Variants in SMOC1 observed in about 807,000 individuals in gnomAD.
SMOC1 encodes the protein SPARC related modular calcium binding 1.
In SMOC1, 22 loss-of-function variants were observed where a neutral mutation model predicts 56.3. That is an observed-to-expected ratio of 0.39 (90% CI 0.28 to 0.56). SMOC1 has a LOEUF of 0.56. SMOC1 is among the 20% of genes least tolerant of loss of function. The pLI, the probability that SMOC1 is intolerant of heterozygous loss-of-function variation, is 0.61. For missense variants in SMOC1, 509 were observed against 565.4 expected, an observed-to-expected ratio of 0.90 and a Z score of 1.01; for synonymous variants, 193 against 215.0, an observed-to-expected ratio of 0.90 and a Z score of 0.89.
intron 7 of SMOC1, among the ~76,000 whole-genome samples, chr14:69,997,576 A>T (rs1251693489): frequency 6.6e-6 from 1 of 152,108 alleles, no homozygotes; most frequent in Admixed American, 6.5e-5. Context: ...CTTTGTGAGG[A>T]CTCAAGAGCA....
chr14:70,011,066 T>C, intron 8 of SMOC1, 120 bp downstream of exon 8: 5 of 1,151,592 alleles, frequency 4.3e-6, no homozygotes, highest in Non-Finnish European at 5.1e-6. Context: ...AGCCATGTTT[T>C]CAATGAGTAG....
At chr14:69,996,887 G>T (rs1327157788) in intron 7 of SMOC1, among the ~76,000 whole-genome samples, 1 of 152,176 alleles carries the variant, frequency 6.6e-6, no homozygotes, top group Non-Finnish European at 1.5e-5. Context: ...TGCCACAAAG[G>T]CCTGTAACAG....
At chr14:69,992,823 G>A (rs1431442213) in intron 6 of SMOC1, among the ~76,000 whole-genome samples, 2 of 152,146 alleles carry the variant, frequency 1.3e-5, no homozygotes, top group Non-Finnish European at 2.9e-5. Context: ...AAATTAATTG[G>A]CACTTGCAAG....
intron 1 of SMOC1, among the ~76,000 whole-genome samples, chr14:69,907,913 T>G (rs1884452897): frequency 6.6e-6 from 1 of 152,210 alleles, no homozygotes. Flanking sequence ...GCCTCCTTTA[T>G]AAAGGCTCTA....
chr14:69,988,771 A>G (rs67294558), intron 5 of SMOC1, among the ~76,000 whole-genome samples: 25,063 of 152,216 alleles, frequency 0.16, 2,677 homozygotes, highest in East Asian at 0.38. Flanking sequence ...TAGCCTTACT[A>G]GACATTTCAT....
At chr14:69,999,391 A>G (rs1594847561) in intron 7 of SMOC1, among the ~76,000 whole-genome samples, 1 of 152,166 alleles carries the variant, frequency 6.6e-6, no homozygotes, top group Admixed American at 6.5e-5. Flanking sequence ...TGAGGCCTGG[A>G]AAAATAAACA....
intron 1 of SMOC1, among the ~76,000 whole-genome samples, chr14:69,928,602 T>C (rs1265293333): frequency 8.1e-6 from 1 of 123,444 alleles, no homozygotes; most frequent in Non-Finnish European, 1.7e-5. Flanking sequence ...TGCACTACTT[T>C]AGAGGTGCTC....
intron 9 of SMOC1, among the ~76,000 whole-genome samples, chr14:70,012,301 G>T (rs990074739): frequency 6.6e-6 from 1 of 152,160 alleles, no homozygotes; most frequent in Non-Finnish European, 1.5e-5. Context: ...GGTGGCCAGG[G>T]TACCCCTTTT....
At chr14:69,984,365 C>T (rs1354200414) in intron 5 of SMOC1, among the ~76,000 whole-genome samples, 1 of 152,158 alleles carries the variant, frequency 6.6e-6, no homozygotes, top group African/African-American at 2.4e-5. Context: ...CCACCAAAAA[C>T]ATAATCTAGA....
intron 2 of SMOC1, among the ~76,000 whole-genome samples, 163 bp from the exon 3 acceptor site, chr14:69,953,257 G>C (rs1401099374): frequency 1.3e-5 from 2 of 152,202 alleles, no homozygotes; most frequent in African/African-American, 2.4e-5. Context: ...CGGGGAAGGG[G>C]GGCTGTGCAG....
intron 9 of SMOC1, 29 bp from the exon 10 acceptor site, chr14:70,013,357 C>A: frequency 6.3e-7 from 1 of 1,589,006 alleles, no homozygotes; most frequent in South Asian, 1.1e-5. Context: ...TATCTGGCAT[C>A]TACCTTCAAA....
chr14:69,971,295 G>A (rs1191546393), intron 3 of SMOC1, among the ~76,000 whole-genome samples: 1 of 152,200 alleles, frequency 6.6e-6, no homozygotes, highest in Admixed American at 6.5e-5. Context: ...TGGAATTACA[G>A]GCATGAGCCA....
At chr14:69,971,766 G>C (rs1883772578) in intron 3 of SMOC1, among the ~76,000 whole-genome samples, 1 of 152,186 alleles carries the variant, frequency 6.6e-6, no homozygotes, top group African/African-American at 2.4e-5. Context: ...TCGCTTTTCT[G>C]CAAGAAACGT....
At chr14:69,888,922 T>C (rs1308830790) in intron 1 of SMOC1, among the ~76,000 whole-genome samples, 2 of 152,188 alleles carry the variant, frequency 1.3e-5, no homozygotes, top group Non-Finnish European at 2.9e-5. Context: ...CTTCACTTCC[T>C]CCTTCCAAAG....
intron 11 of SMOC1, among the ~76,000 whole-genome samples, chr14:70,029,835 C>A (rs895506164): frequency 6.6e-5 from 10 of 152,208 alleles, no homozygotes; most frequent in Admixed American, 3.9e-4. Flanking sequence ...TGGGTCAGTG[C>A]CAATGGGATT....
chr14:70,019,365 A>C (rs1400560594), intron 10 of SMOC1, among the ~76,000 whole-genome samples: 3 of 152,206 alleles, frequency 2.0e-5, no homozygotes, highest in African/African-American at 7.2e-5. Flanking sequence ...TACCATATCC[A>C]AGGAAACTTG....
In SMOC1 at chr14:70,023,071, C is replaced by T. The variant is rs925433117; in HGVS notation, c.1047-132C>T. The T allele has an allele frequency of 1.6e-5, 22 of 1,379,244 alleles. 1 individual carries two copies. Among genetic ancestry groups the T allele is most frequent in the South Asian group, 3.5e-5 (3 of 84,522 alleles). The allele number at this position is 1,379,244 out of a possible 1,614,324, so 85.4% of individuals were successfully genotyped here. ...GGCTTAACGTTGCCACAGGCTGAGC[C>T]GCTGTGGGTGGACTTTGGCTTGGAG... On this transcript the variant is annotated intron_variant, in intron 10 of 11. Transcript: ENST00000361956.
chr14:69,997,427 G>T (rs1255432175), intron 7 of SMOC1, among the ~76,000 whole-genome samples: 3 of 152,300 alleles, frequency 2.0e-5, no homozygotes, highest in South Asian at 2.1e-4. Context: ...CATGGGCTTT[G>T]GTGTCAGACA....
intron 2 of SMOC1, 26 bp from the exon 3 acceptor site, chr14:69,953,394 T>C (rs138322563): frequency 1.2e-6 from 2 of 1,608,880 alleles, no homozygotes; most frequent in Non-Finnish European, 1.7e-6. Flanking sequence ...AAGTGAAATA[T>C]GAAATCTGCT....
Sources: gnomAD v4.1 joint callset for allele counts (sites outside exome capture counted in the v4.1 genomes callset) on GRCh38, gnomAD v4.1.1 for gene constraint, MANE v1.5 for transcripts, NCBI Gene and HGNC (gene_info 2026-07-23, HGNC 2026-07-21) for gene names.